HIVEP3: variants seen among roughly 807,000 people sequenced by gnomAD.
HIVEP3 encodes HIVEP zinc finger 3, also known as transcription factor HIVEP3.
Under a neutral mutation model 152.8 loss-of-function variants are expected in HIVEP3, and 49 were observed. The ratio of observed to expected loss-of-function variants is 0.32; its 90% confidence interval spans 0.26 to 0.41. The LOEUF is 0.41. Ranked by LOEUF, HIVEP3 falls within the 10% of genes least tolerant of loss-of-function variation. The pLI is 1.00. For missense variants in HIVEP3, 2,790 were observed against 3,103.3 expected (o/e 0.90, Z 2.40); for synonymous variants, 1,269 against 1,289.0 (o/e 0.98, Z 0.33).
chr1:41,603,506 C>A (rs910171264), intron 3 of HIVEP3, among the ~76,000 whole-genome samples: 7 of 152,020 alleles, frequency 4.6e-5, no homozygotes, highest in Non-Finnish European at 7.4e-5. Context: ...ATTACAGGCA[C>A]CTGCCACCAT....
chr1:41,949,301 G>A (rs778290422), intron 1 of HIVEP3, among the ~76,000 whole-genome samples: 123 of 152,236 alleles, frequency 8.1e-4, no homozygotes, highest in Non-Finnish European at 4.3e-4. Flanking sequence ...AGTGCTAGGC[G>A]GACTAGGTAC....
At chr1:41,673,095 C>T (rs1269957997) in intron 2 of HIVEP3, among the ~76,000 whole-genome samples, 1 of 152,194 alleles carries the variant, frequency 6.6e-6, no homozygotes, top group Non-Finnish European at 1.5e-5. Context: ...CTGGCGGTCC[C>T]CCTGCCCCCT....
chr1:41,635,339 A>G (rs1181931308), intron 2 of HIVEP3, among the ~76,000 whole-genome samples: 2 of 152,106 alleles, frequency 1.3e-5, no homozygotes, highest in African/African-American at 2.4e-5. Flanking sequence ...TTTTCATGAT[A>G]AATTAAGAAA....
chr1:41,933,205 C>T (rs1557528625), intron 1 of HIVEP3, among the ~76,000 whole-genome samples: 1 of 151,976 alleles, frequency 6.6e-6, no homozygotes, highest in African/African-American at 2.4e-5. Context: ...CTCCAGTCAT[C>T]TATATTTTTG....
chr1:41,934,254 C>A (rs1360148341), intron 1 of HIVEP3, among the ~76,000 whole-genome samples: 1 of 152,114 alleles, frequency 6.6e-6, no homozygotes, highest in African/African-American at 2.4e-5. Context: ...ATCCCTAGGG[C>A]TTTGCCCGCT....
At chr1:41,804,663 A>G (rs1034957042) in intron 1 of HIVEP3, among the ~76,000 whole-genome samples, 3 of 152,266 alleles carry the variant, frequency 2.0e-5, no homozygotes, top group Non-Finnish European at 4.4e-5. Context: ...AGTCATCTGC[A>G]TCACTGGAAC....
intron 3 of HIVEP3, among the ~76,000 whole-genome samples, chr1:41,590,898 A>T (rs1164683999): frequency 6.6e-6 from 1 of 152,124 alleles, no homozygotes; most frequent in African/African-American, 2.4e-5. Flanking sequence ...CTGCAGCTGA[A>T]CCCTGGCTCC....
In HIVEP3 at chr1:41,690,674, T is replaced by C. The variant is rs536976082; in HGVS notation, c.-721+10242A>G. On this transcript the variant is annotated intron_variant, in intron 2 of 8. Coordinates refer to ENST00000372583, the MANE Select transcript of HIVEP3 (RefSeq NM_024503.5). Reference sequence around the variant, plus strand: ...GGCTTACACCTGTAATCCCAGCACTTTGGGAGGCCGAGGCAGATGGATCAC... The same window carrying C: ...GGCTTACACCTGTAATCCCAGCACTCTGGGAGGCCGAGGCAGATGGATCAC... 5.6e-4 allele frequency among the ~76,000 whole-genome samples: 85 copies of C among 152,208 alleles called. 1 individual carries two copies. Among genetic ancestry groups the C allele is most frequent in the Non-Finnish European group, 1.0e-3 (71 of 67,984 alleles).
upstream of HIVEP3, among the ~76,000 whole-genome samples, chr1:41,920,489 G>A (rs892806487): frequency 6.6e-6 from 1 of 151,958 alleles, no homozygotes; most frequent in Admixed American, 6.6e-5. Flanking sequence ...CTCCAATCAG[G>A]TTTATAAATT....
At position 41,924,240 on chromosome 1, in the gene HIVEP3, G is replaced by A. The variant is rs527252696; in HGVS notation, n.120-5716C>T. ...GGCCACCAGGAGCAGAAAGAGGTAGGAATGGATTCTCCCCTGAGCCTCCGG... is the reference window on the plus strand; with the variant it reads ...GGCCACCAGGAGCAGAAAGAGGTAGAAATGGATTCTCCCCTGAGCCTCCGG... On this transcript the variant is annotated intron_variant and non_coding_transcript_variant, in intron 1 of 3. Transcript: ENST00000489103. 2.0e-5 allele frequency among the ~76,000 whole-genome samples: 3 copies of A among 152,278 alleles called. No individual in the cohort carries two copies. The South Asian group carries it at 6.2e-4, about 32-fold the overall frequency.
intron 1 of HIVEP3, among the ~76,000 whole-genome samples, chr1:41,749,491 G>A (rs1426061289): frequency 6.6e-6 from 1 of 151,394 alleles, no homozygotes; most frequent in African/African-American, 2.4e-5. Flanking sequence ...GAGAGGGCCT[G>A]TAGCTGTCAA....
rs115555641 is a variant in HIVEP3 at position 41,773,401 on chromosome 1, A to G, written c.-800-72406T>C. Among the ~76,000 whole-genome samples, 992 of 152,302 alleles carry G rather than the reference A, an allele frequency of 6.5e-3. 5 individuals are homozygous for G. The highest frequency in any genetic ancestry group is 0.018 in the African/African-American group (745 of 41,554). On this transcript the variant is annotated intron_variant, in intron 1 of 8. Coordinates refer to ENST00000372583, the MANE Select transcript of HIVEP3 (RefSeq NM_024503.5). ...TGGCGTTCAGTAGGGATGTGCTGAA[A>G]TGACTGTACTGGTTGTGAAAGTGCT...
intron 1 of HIVEP3, among the ~76,000 whole-genome samples, chr1:41,769,883 A>G (rs1648238199): frequency 1.3e-5 from 2 of 152,230 alleles, no homozygotes; most frequent in South Asian, 2.1e-4. Flanking sequence ...AAATTGAGGA[A>G]AGTAGAAAAA....
intron 2 of HIVEP3, among the ~76,000 whole-genome samples, chr1:41,677,375 G>A (rs1645973249): frequency 6.6e-6 from 1 of 152,228 alleles, no homozygotes; most frequent in Admixed American, 6.5e-5. Context: ...TGCTAGAAAA[G>A]GGTGTTAAAG....
rs200026565 is a variant in HIVEP3, at chr1:41,510,784, G to A, written c.6888C>T (p.Thr2296=). The change falls in exon 9 of 9, where the codon ACC becomes ACT. Residue 2296 remains threonine (T), a synonymous_variant. Coordinates refer to ENST00000372583, the MANE Select transcript of HIVEP3 (RefSeq NM_024503.5). ...GRPPDWTPHG[T]GAPAEPTPTH... ...TGGGTGTGGGCTCTGCAGGTGCCCC[G>A]GTCCCATGGGGTGTCCAGTCAGGAG... 1.7e-4 allele frequency: 271 copies of A among 1,607,500 alleles called. No homozygotes were observed. Among genetic ancestry groups the A allele is most frequent in the Admixed American group, 2.7e-4 (16 of 59,596 alleles).
chr1:41,834,195 G>C (rs1033260574), intron 1 of HIVEP3, among the ~76,000 whole-genome samples: 1 of 152,210 alleles, frequency 6.6e-6, no homozygotes. Context: ...AGTCTTTGGG[G>C]ACAGGAGGGG....
chr1:41,628,799 C>T lies in HIVEP3; in HGVS notation c.-572G>A. On this transcript the variant is annotated 5_prime_UTR_variant, in exon 3 of 9. Coordinates refer to ENST00000372583, the MANE Select transcript of HIVEP3 (RefSeq NM_024503.5). ...GACCAAAACTGAAACGCTGTTCTCT[C>T]TGAAAGCCAGCATTCATGTCCACTC... 8.1e-7 allele frequency: 1 copy of T among 1,232,036 alleles called. No individual in the cohort carries two copies. Among genetic ancestry groups the T allele is most frequent in the Non-Finnish European group, 1.0e-6 (1 of 987,962 alleles). The allele number at this position is 1,232,036 out of a possible 1,614,324, so 76.3% of individuals were successfully genotyped here. A position where few individuals can be genotyped will look rare whatever the true frequency, so the allele number is the denominator to read the frequency against.
chr1:41,809,539 G>C (rs1296504297), intron 1 of HIVEP3, among the ~76,000 whole-genome samples: 1 of 152,174 alleles, frequency 6.6e-6, no homozygotes, highest in Non-Finnish European at 1.5e-5. Context: ...CATATTTTCT[G>C]CATGCAAAAT....
At chr1:41,780,762 C>T (rs1648996295) in intron 1 of HIVEP3, among the ~76,000 whole-genome samples, 1 of 152,138 alleles carries the variant, frequency 6.6e-6, no homozygotes, top group African/African-American at 2.4e-5. Context: ...TCAAATCTCA[C>T]AAACATGCAC....
Sources: allele counts gnomAD v4.1 joint callset (sites outside exome capture counted in the v4.1 genomes callset), GRCh38; gene constraint gnomAD v4.1.1; transcripts MANE v1.5; gene names NCBI Gene and HGNC (gene_info 2026-07-23, HGNC 2026-07-21).